The following ZNF605 variants were observed in gnomAD, a reference collection of about 807,000 sequenced individuals.
The protein encoded by ZNF605 is zinc finger protein 605.
Under a neutral mutation model 7.9 loss-of-function variants are expected in ZNF605, and 9 were observed. That is an observed-to-expected ratio of 1.14 (90% CI 0.68 to 1.98). The LOEUF (loss-of-function observed/expected upper bound fraction) is 1.98, where lower values mean the gene tolerates loss of function less well. Among genes scored for constraint, ZNF605 ranks in the 30% most tolerant of loss-of-function variants. The pLI is 0.00. For missense variants in ZNF605, 673 were observed against 762.4 expected (o/e 0.88, Z 1.38); for synonymous variants, 255 against 260.1 (o/e 0.98, Z 0.19).
In ZNF605 at chr12:132,926,036, A is replaced by G; in HGVS notation, c.1263T>C (p.Tyr421=). 3 of 1,614,210 alleles carry G rather than the reference A, an allele frequency of 1.9e-6. No individual in the cohort carries two copies. Among genetic ancestry groups the G allele is most frequent in the South Asian group, 1.1e-5 (1 of 91,090 alleles). ...HQKIHLGEKP[Y]GCIQCGKTFF... ...AGGTTTTCCCACATTGAATGCATCC[A>G]TATGGTTTCTCTCCTAAGTGAATTT... is the stretch of plus-strand genomic sequence containing the variant. The change falls in exon 5 of 5, where the codon TAT becomes TAC. Residue 421 remains tyrosine, a synonymous_variant. Transcript: ENST00000360187.
Position 132,941,066 on chromosome 12 carries a change from C to T in ZNF605, c.15+4555G>A, listed in dbSNP as rs1952434537. On this transcript the variant is annotated intron_variant, in intron 3 of 4. Coordinates refer to ENST00000360187, the MANE Select transcript of ZNF605 (RefSeq NM_183238.4). The surrounding 1 kb of genome is among the most constrained non-coding windows in gnomAD (Gnocchi z 5.1). ...TGCTCCTAAGAAGCATTTTGTTACC[C>T]ATACGGGTGCTCACCAAAAAGACTC... 6.6e-6 allele frequency among the ~76,000 whole-genome samples: 1 copy of T among 152,102 alleles called. No homozygotes were observed. The highest frequency in any genetic ancestry group is 2.4e-5 in the African/African-American group (1 of 41,426).
In ZNF605 at chr12:132,945,741, C is replaced by T; in HGVS notation, c.-106G>A. 1.3e-6 allele frequency: 2 copies of T among 1,499,976 alleles called. No homozygotes were observed. Among genetic ancestry groups the T allele is most frequent in the East Asian group, 2.3e-5 (1 of 44,250 alleles). 92.9% of individuals were successfully genotyped at this position (1,499,976 alleles called of 1,614,324 possible). A position where few individuals can be genotyped will look rare whatever the true frequency, so the allele number is the denominator to read the frequency against. On this transcript the variant is annotated 5_prime_UTR_variant, in exon 3 of 5. Transcript: ENST00000360187. ...TGTAAACTGAGAATACATCCTTGGT[C>T]TTGTGGGCTCTTCTTTCTTATCTCA...
At chr12:132,953,709 G>A (rs1952599420) in intron 1 of ZNF605, among the ~76,000 whole-genome samples, 2 of 152,042 alleles carry the variant, frequency 1.3e-5, no homozygotes, top group Admixed American at 6.6e-5. Flanking sequence ...ACAGGTGTGA[G>A]CCACGGTGCC....
Position 132,926,474 on chromosome 12 carries a change from G to A in ZNF605, c.825C>T (p.His275=). The A allele has an allele frequency of 6.2e-7, 1 of 1,614,066 alleles. No homozygotes were observed. The highest frequency in any genetic ancestry group is 1.1e-5 in the South Asian group (1 of 91,066). ...TGCAACTGTAGGGTTTCTCTATTGTGTGCGTTATCTGATGTCTTTTAAGCT... is the reference window on the plus strand; with the variant it reads ...TGCAACTGTAGGGTTTCTCTATTGTATGCGTTATCTGATGTCTTTTAAGCT... ...KSQLKRHQIT[H]TIEKPYSCSE... The change falls in exon 5 of 5, where the codon CAC becomes CAT. Residue 275 remains histidine (H), a synonymous_variant. Transcript: ENST00000360187.
In ZNF605 at chr12:132,921,209, G is replaced by C. The variant is rs1457280441; in HGVS notation, c.*4164C>G. 1 of 152,090 alleles carries C rather than the reference G, an allele frequency of 6.6e-6. No individual in the cohort carries two copies. The highest frequency in any genetic ancestry group is 1.5e-5 in the Non-Finnish European group (1 of 68,044). 9.4% of individuals were successfully genotyped at this position (152,090 alleles called of 1,614,324 possible). ...TGGTCTCAAACGCCTGGGCTCAAGCGGTCCTCCCAATTTGGCCTCCCCAAG... is the reference window on the plus strand; with the variant it reads ...TGGTCTCAAACGCCTGGGCTCAAGCCGTCCTCCCAATTTGGCCTCCCCAAG... On this transcript the variant is annotated 3_prime_UTR_variant, in exon 5 of 5. Coordinates refer to ENST00000360187, the MANE Select transcript of ZNF605 (RefSeq NM_183238.4).
At chr12:132,955,198 G>T (rs1952623829) in intron 1 of ZNF605, among the ~76,000 whole-genome samples, 1 of 152,070 alleles carries the variant, frequency 6.6e-6, no homozygotes, top group African/African-American at 2.4e-5. Context: ...TCTCTGCAAG[G>T]CAAAAAGGGT....
chr12:132,933,146 C>T lies in ZNF605; in HGVS notation c.25G>A (p.Glu9Lys). The change falls in exon 4 of 5, where the codon GAG (glutamate) becomes AAG (lysine). Residue 9 changes from glutamate (E) to lysine (K), a missense_variant. Coordinates refer to ENST00000360187, the MANE Select transcript of ZNF605 (RefSeq NM_183238.4). This position sits in a 1 kb window ranked among gnomAD's most constrained non-coding sequence, Gnocchi z 4.4. MIQSQISFEDVAVDFTLEE... is the reference protein window; with the variant it reads MIQSQISFKDVAVDFTLEE... ...AGCGTGAAATCCACAGCCACATCCT[C>T]AAATGATATCTGGAAAAGCATAATC... 6.2e-7 allele frequency: 1 copy of T among 1,607,236 alleles called. No homozygotes were observed. Among genetic ancestry groups the T allele is most frequent in the Non-Finnish European group, 8.5e-7 (1 of 1,176,438 alleles).
At chr12:132,950,386 C>A (rs779711097) in intron 1 of ZNF605, among the ~76,000 whole-genome samples, 1 of 152,138 alleles carries the variant, frequency 6.6e-6, no homozygotes, top group Admixed American at 6.5e-5. Flanking sequence ...CTCAGACATG[C>A]GCACACACTC....
chr12:132,942,252 G>A (rs2933), intron 3 of ZNF605, among the ~76,000 whole-genome samples: 28,728 of 152,140 alleles, frequency 0.19, 2,868 homozygotes, highest in Non-Finnish European at 0.23. Context: ...GCTCCTAAAA[G>A]CTTTCTCCTC....
chr12:132,939,346 G>C (rs961216472), intron 3 of ZNF605, among the ~76,000 whole-genome samples: 1 of 152,206 alleles, frequency 6.6e-6, no homozygotes, highest in African/African-American at 2.4e-5. Flanking sequence ...CTGCTGGTGA[G>C]GACATGGAGA....
chr12:132,951,595 T>A (rs374241852), intron 1 of ZNF605, among the ~76,000 whole-genome samples: 2 of 124,204 alleles, frequency 1.6e-5, no homozygotes, highest in Non-Finnish European at 3.7e-5. Context: ...ATGCACACAC[T>A]CAGACACAGA....
rs925474265 is a variant in ZNF605, at chr12:132,922,931, A to G, written c.*2442T>C. 3 of 152,346 alleles carry G rather than the reference A, an allele frequency of 2.0e-5. No individual in the cohort carries two copies. The highest frequency in any genetic ancestry group is 4.4e-5 in the Non-Finnish European group (3 of 68,146). The allele number at this position is 152,346 out of a possible 1,614,324, so 9.4% of individuals were successfully genotyped here. On this transcript the variant is annotated 3_prime_UTR_variant, in exon 5 of 5. Coordinates refer to ENST00000360187, the MANE Select transcript of ZNF605 (RefSeq NM_183238.4). Reference sequence around the variant, plus strand: ...CCTATGAAGAAACCCCAGTCTCTAGAAGACAGCCTCAGGGGGGAGCAGAGC... The same window carrying G: ...CCTATGAAGAAACCCCAGTCTCTAGGAGACAGCCTCAGGGGGGAGCAGAGC...
At chr12:132,952,888 C>T (rs981775250) in intron 1 of ZNF605, among the ~76,000 whole-genome samples, 7 of 152,208 alleles carry the variant, frequency 4.6e-5, no homozygotes, top group South Asian at 2.1e-4. Flanking sequence ...CATTCACATT[C>T]GGATCTGCTT....
At chr12:132,940,917 T>C (rs1055301477) in intron 3 of ZNF605, among the ~76,000 whole-genome samples, 12 of 142,660 alleles carry the variant, frequency 8.4e-5, no homozygotes, top group African/African-American at 3.0e-4. Flanking sequence ...TGAGGTCCCC[T>C]GTGTCTACTG....
chr12:132,941,846 C>T lies in ZNF605; in HGVS notation c.15+3775G>A, dbSNP rs1216653948. On this transcript the variant is annotated intron_variant, in intron 3 of 4. Transcript: ENST00000360187. The surrounding 1 kb of genome is among the most constrained non-coding windows in gnomAD (Gnocchi z 5.1). Reference sequence around the variant, plus strand: ...CTCGAGGCTGCCCTCCATCACGCGTCCTTCTTCTCCAGGCTGCCCTCCATC... The same window carrying T: ...CTCGAGGCTGCCCTCCATCACGCGTTCTTCTTCTCCAGGCTGCCCTCCATC... Among the ~76,000 whole-genome samples, 1 of 152,038 alleles carries T rather than the reference C, an allele frequency of 6.6e-6. No homozygotes were observed. Among genetic ancestry groups the T allele is most frequent in the Non-Finnish European group, 1.5e-5 (1 of 68,008 alleles).
At chr12:132,938,860 C>G (rs1465492041) in intron 3 of ZNF605, among the ~76,000 whole-genome samples, 1 of 152,130 alleles carries the variant, frequency 6.6e-6, no homozygotes, top group Non-Finnish European at 1.5e-5. Flanking sequence ...GCCAGCCAGC[C>G]CTGCTGGCCC....
In ZNF605 at chr12:132,926,622, C is replaced by T; in HGVS notation, c.677G>A (p.Gly226Glu). 4.3e-6 allele frequency: 7 copies of T among 1,614,140 alleles called. No homozygotes were observed. Among genetic ancestry groups the T allele is most frequent in the Middle Eastern group, 1.6e-4 (1 of 6,062 alleles). ...AAAAGCTTTCTGACATTCGCTGCAC[C>T]CATGCGGTTTTTCTCCTGAGTGAGT... ...QRTHSGEKPH[G>E]CSECQKAFSR... Residue 226 changes from glycine (G) to glutamate (E), a missense_variant, in exon 5 of 5, where the codon GGG becomes GAG. Coordinates refer to ENST00000360187, the MANE Select transcript of ZNF605 (RefSeq NM_183238.4).
intron 4 of ZNF605, among the ~76,000 whole-genome samples, chr12:132,929,039 C>CAAA (rs1175898358): frequency 4.2e-4 from 11 of 26,012 alleles, no homozygotes; most frequent in Admixed American, 1.8e-3. Context: ...CAAAACAAAA[C>CAAA]AAAACAAAAA....
At chr12:132,928,843 CT>C (rs1433357497) in intron 4 of ZNF605, among the ~76,000 whole-genome samples, 8 of 151,730 alleles carry the variant, frequency 5.3e-5, no homozygotes, top group African/African-American at 1.5e-4. Flanking sequence ...GAGAAACTGT[CT>C]CTTCAAATTT....
Sources: allele counts gnomAD v4.1 joint callset (sites outside exome capture counted in the v4.1 genomes callset), GRCh38; gene constraint gnomAD v4.1.1; non-coding constraint Gnocchi (gnomAD v3.1); transcripts MANE v1.5; gene names NCBI Gene and HGNC (gene_info 2026-07-23, HGNC 2026-07-21).